Variants in PM20D1 observed in about 807,000 individuals in gnomAD.
PM20D1 encodes peptidase M20 domain containing 1.
In PM20D1, 53 loss-of-function variants were observed where a neutral mutation model predicts 53.8. The ratio of observed to expected loss-of-function variants is 0.98; its 90% CI spans 0.79 to 1.24. The LOEUF is 1.24. Among genes scored for constraint, PM20D1 ranks in the 50% most tolerant of loss-of-function variants. PM20D1 has a pLI of 0.00. For synonymous variants in PM20D1, 239 were observed against 241.3 expected, an observed-to-expected ratio of 0.99 and a Z score of 0.09; for missense variants, 564 against 616.8, an observed-to-expected ratio of 0.91 and a Z score of 0.91.
intron 10 of PM20D1, among the ~76,000 whole-genome samples, chr1:205,838,885 C>A (rs11240572): frequency 0.04 from 6,032 of 152,276 alleles, 287 homozygotes; most frequent in East Asian, 0.18. Context: ...ATTGAACCCA[C>A]CTCTCTCCCA....
intron 10 of PM20D1, among the ~76,000 whole-genome samples, chr1:205,836,468 A>G (rs538589463): frequency 1.3e-5 from 2 of 152,262 alleles, no homozygotes; most frequent in East Asian, 1.9e-4. Context: ...TCAGTTATAA[A>G]TATCTTGCTT....
intron 9 of PM20D1, among the ~76,000 whole-genome samples, chr1:205,841,068 AG>A (rs1656794327): frequency 6.6e-6 from 1 of 152,308 alleles, no homozygotes; most frequent in South Asian, 2.1e-4. Context: ...CTAACCAATC[AG>A]ATAAGCCAGT....
chr1:205,847,006 CTTTTTTTTTTT>C (rs778538865), intron 2 of PM20D1, among the ~76,000 whole-genome samples: 111 of 44,666 alleles, frequency 2.5e-3, no homozygotes, highest in African/African-American at 5.8e-3. Flanking sequence ...TCCTTCCTTT[CTTTTTTTTTTT>C]TTTTTTTTTT....
At chr1:205,830,620 C>A (rs930891225) in intron 11 of PM20D1, among the ~76,000 whole-genome samples, 1 of 151,318 alleles carries the variant, frequency 6.6e-6, no homozygotes, top group Non-Finnish European at 1.5e-5. Flanking sequence ...GATGTCTCAC[C>A]AATGCCCTTG....
In PM20D1 at chr1:205,844,082, C is replaced by T. The variant is rs1444779979; in HGVS notation, c.707+5G>A. The T allele has an allele frequency of 1.2e-6, 2 of 1,607,340 alleles. No individual in the cohort carries two copies. Among genetic ancestry groups the T allele is most frequent in the African/African-American group, 1.3e-5 (1 of 74,798 alleles). On this transcript the variant is annotated splice_donor_5th_base_variant and intron_variant, in intron 5 of 12. Transcript: ENST00000367136. Reference sequence around the variant, plus strand: ...CCAAGGTGTGGGGTGGGATGCTTTACTCACAAGGCGATGGGCTTCTTGAAG... The same window carrying T: ...CCAAGGTGTGGGGTGGGATGCTTTATTCACAAGGCGATGGGCTTCTTGAAG...
At chr1:205,843,288 G>C (rs1380634385) in intron 6 of PM20D1, among the ~76,000 whole-genome samples, 1 of 152,110 alleles carries the variant, frequency 6.6e-6, no homozygotes, top group Non-Finnish European at 1.5e-5. Flanking sequence ...CTGCCTGTAG[G>C]TCCTTGCTTT....
At position 205,850,127 on chromosome 1, in the gene PM20D1, C is replaced by G; in HGVS notation, c.-55G>C. Reference sequence around the variant, plus strand: ...CCGGGGTAGTTCTGACCTAAACGCCCAGACTAGCGTTTCTTGGCCCTAGCT... The same window carrying G: ...CCGGGGTAGTTCTGACCTAAACGCCGAGACTAGCGTTTCTTGGCCCTAGCT... On this transcript the variant is annotated 5_prime_UTR_variant, in exon 1 of 13. Coordinates refer to ENST00000367136, the MANE Select transcript of PM20D1 (RefSeq NM_152491.5). The G allele has an allele frequency of 1.3e-6, 2 of 1,559,598 alleles. No homozygotes were observed. Among genetic ancestry groups the G allele is most frequent in the Non-Finnish European group, 1.7e-6 (2 of 1,148,038 alleles).
At position 205,841,832 on chromosome 1, in the gene PM20D1, G is replaced by A. The variant is rs932347265; in HGVS notation, c.1023C>T (p.Thr341=). The A allele has an allele frequency of 6.4e-7, 1 of 1,569,906 alleles. No homozygotes were observed. The highest frequency in any genetic ancestry group is 8.7e-7 in the Non-Finnish European group (1 of 1,154,566). The change falls in exon 9 of 13, where the codon ACC becomes ACT. Residue 341 remains threonine, a synonymous_variant. Transcript: ENST00000367136. ...TTACCTTGACCCCTGCTTTGAATAT[G>A]GTGAGTGCCGTGGTGGTCCTGATTA... ...NAIIRTTTAL[T]IFKAGVKFNV...
intron 10 of PM20D1, among the ~76,000 whole-genome samples, chr1:205,836,444 C>T (rs1656688847): frequency 6.6e-6 from 1 of 152,168 alleles, no homozygotes; most frequent in South Asian, 2.1e-4. Flanking sequence ...TATACCATTC[C>T]ATTTTTGAGT....
intron 10 of PM20D1, among the ~76,000 whole-genome samples, chr1:205,833,938 C>T (rs1656622772): frequency 6.6e-6 from 1 of 151,664 alleles, no homozygotes; most frequent in African/African-American, 2.4e-5. Context: ...ACCTCTGCCT[C>T]CCAGGTTCAA....
intron 3 of PM20D1, 87 bp downstream of exon 3, chr1:205,845,238 T>A: frequency 7.5e-7 from 1 of 1,329,414 alleles, no homozygotes; most frequent in Non-Finnish European, 1.1e-6. Flanking sequence ...TTTTTACCAT[T>A]ATCTCCCACC....
At chr1:205,846,625 A>C (rs531089806) in intron 2 of PM20D1, among the ~76,000 whole-genome samples, 88 of 152,312 alleles carry the variant, frequency 5.8e-4, no homozygotes, top group African/African-American at 2.1e-3. Flanking sequence ...TTTTCTTTTT[A>C]AAAAGCCACA....
At chr1:205,840,377 C>G in intron 9 of PM20D1, 54 bp from the exon 10 acceptor site, 1 of 1,522,312 alleles carries the variant, frequency 6.6e-7, no homozygotes, top group Non-Finnish European at 9.1e-7. Context: ...TCTTCTACAT[C>G]TGCCTGCCCA....
intron 2 of PM20D1, among the ~76,000 whole-genome samples, chr1:205,846,322 G>T (rs1254747545): frequency 6.6e-6 from 1 of 151,284 alleles, no homozygotes; most frequent in Non-Finnish European, 1.5e-5. Flanking sequence ...GGAGGTGGAG[G>T]TTGCAGTGAG....
Position 205,837,084 on chromosome 1 carries a change from TA to T in PM20D1, c.1116+3167del, listed in dbSNP as rs536232957. Among the ~76,000 whole-genome samples the T allele has an allele frequency of 5.3e-3, 813 of 152,240 alleles. 11 individuals carry two copies. The highest frequency in any genetic ancestry group is 0.019 in the African/African-American group (775 of 41,548). ...TACTTTCTTTGTGGTATTTACCACT[TA>T]AAAAAAATTTCCTTGCTTACTGCTG... On this transcript the variant is annotated intron_variant, in intron 10 of 12. Transcript: ENST00000367136.
intron 2 of PM20D1, 117 bp from the exon 3 acceptor site, chr1:205,845,674 T>G: frequency 1.2e-6 from 1 of 802,220 alleles, no homozygotes; most frequent in Non-Finnish European, 1.9e-6. Flanking sequence ...GCATCCTCCT[T>G]TAGGAAGCCT....
At chr1:205,841,718 CAGAA>C (rs777303611) in intron 9 of PM20D1, 89 bp downstream of exon 9, 177 of 1,284,638 alleles carry the variant, frequency 1.4e-4, no homozygotes, top group Middle Eastern at 5.1e-4. Context: ...CTGACACACA[CAGAA>C]GGAAGGAAGA....
rs75935982 is a variant in PM20D1, at chr1:205,832,749, C to T, written c.1134G>A (p.Lys378=). The T allele has an allele frequency of 1.1e-3, 1,734 of 1,601,608 alleles. 13 individuals are homozygous for T. In the African/African-American group the frequency reaches 0.021, roughly 19 times the overall value. Residue 378 remains lysine (K), a synonymous_variant, in exon 11 of 13, where the codon AAG becomes AAA. Transcript: ENST00000367136. ...QTVQEVLELT[K]NIVADNRVQF... ...GGACTCTGTTATCAGCCACAATGTT[C>T]TTCGTGAGTTCTAGGACCTCCAGGG...
rs375342381 is a variant in PM20D1 at position 205,847,518 on chromosome 1, G to A, written c.256+367C>T. ...TGAGTACGTGGAGTGTATATGTACC[G>A]GTGTGTTTGGGTGTGTAAGGAGGTA... is the stretch of plus-strand genomic sequence containing the variant. On this transcript the variant is annotated intron_variant, in intron 2 of 12. Transcript: ENST00000367136. Among the ~76,000 whole-genome samples the A allele has an allele frequency of 5.7e-3, 721 of 126,762 alleles. 6 individuals carry two copies. Among genetic ancestry groups the A allele is most frequent in the Middle Eastern group, 0.012 (3 of 254 alleles). 83.2% of individuals were successfully genotyped at this position (126,762 alleles called of 152,430 possible). A position where few individuals can be genotyped will look rare whatever the true frequency, so the allele number is the denominator to read the frequency against.
Sources: gnomAD v4.1 joint callset for allele counts (sites outside exome capture counted in the v4.1 genomes callset) on GRCh38, gnomAD v4.1.1 for gene constraint, MANE v1.5 for transcripts, NCBI Gene and HGNC (gene_info 2026-07-23, HGNC 2026-07-21) for gene names.